The following MACROD2 variants were observed in gnomAD, a reference collection of about 807,000 sequenced individuals.
The protein encoded by MACROD2 is ADP-ribose glycohydrolase MACROD2.
In MACROD2, 36 loss-of-function variants were observed where a neutral mutation model predicts 70.4. That is an observed-to-expected ratio of 0.51 (90% confidence interval 0.39 to 0.68). The LOEUF (loss-of-function observed/expected upper bound fraction) is 0.68. Among genes scored for constraint, MACROD2 ranks in the 30% least tolerant of loss-of-function variants. The pLI is 0.00. For missense variants in MACROD2, 496 were observed against 538.4 expected (o/e 0.92, Z 0.78); for synonymous variants, 172 against 178.8 (o/e 0.96, Z 0.30).
At chr20:15,651,009 T>A (rs1466633066) in intron 8 of MACROD2, among the ~76,000 whole-genome samples, 5 of 152,258 alleles carry the variant, frequency 3.3e-5, no homozygotes, top group Admixed American at 1.3e-4. Flanking sequence ...TTTTTGAAAT[T>A]GAAGTGAATA....
At chr20:14,751,894 A>G (rs1267156463) in intron 5 of MACROD2, among the ~76,000 whole-genome samples, 1 of 152,134 alleles carries the variant, frequency 6.6e-6, no homozygotes, top group Non-Finnish European at 1.5e-5. Flanking sequence ...ATCATCTACC[A>G]TAATAATCTT....
intron 3 of MACROD2, among the ~76,000 whole-genome samples, chr20:14,095,659 G>T (rs894028734): frequency 2.0e-5 from 3 of 151,998 alleles, no homozygotes; most frequent in African/African-American, 4.8e-5. Context: ...TGACCTTTTG[G>T]CTCTTGGAAC....
rs187718068 is a variant in MACROD2, at chr20:14,974,886, G to A, written c.419-255054G>A. Reference sequence around the variant, plus strand: ...GAACTCTAGAACTGAGCCTGGGTTGGGTCTAGCAGAGCTGTTTGCACAAAG... The same window carrying A: ...GAACTCTAGAACTGAGCCTGGGTTGAGTCTAGCAGAGCTGTTTGCACAAAG... On this transcript the variant is annotated intron_variant, in intron 5 of 17. Transcript: ENST00000684519. 5.9e-5 allele frequency among the ~76,000 whole-genome samples: 9 copies of A among 152,170 alleles called. No homozygotes were observed. In the East Asian group the frequency reaches 1.7e-3, roughly 29 times the overall value.
At chr20:14,298,887 T>C (rs1952376063) in intron 3 of MACROD2, among the ~76,000 whole-genome samples, 1 of 152,182 alleles carries the variant, frequency 6.6e-6, no homozygotes, top group Admixed American at 6.5e-5. Context: ...ATTGCTGTAA[T>C]ATTATGATAA....
chr20:14,764,422 G>A (rs1004591558), intron 5 of MACROD2, among the ~76,000 whole-genome samples: 1 of 151,942 alleles, frequency 6.6e-6, no homozygotes, highest in African/African-American at 2.4e-5. Context: ...TATGGTCTTT[G>A]TACCATCTGA....
At chr20:15,968,979 T>C (rs2066188037) in intron 13 of MACROD2, among the ~76,000 whole-genome samples, 1 of 151,924 alleles carries the variant, frequency 6.6e-6, no homozygotes, top group African/African-American at 2.4e-5. Context: ...AAGCTCTTTT[T>C]ACCTTAGGGC....
chr20:14,428,571 T>C (rs1189550306), intron 3 of MACROD2, among the ~76,000 whole-genome samples: 1 of 152,128 alleles, frequency 6.6e-6, no homozygotes, highest in African/African-American at 2.4e-5. Context: ...ATGAATTTGG[T>C]TTAAATGTGA....
chr20:14,682,417 G>C (rs1279486309), intron 4 of MACROD2, among the ~76,000 whole-genome samples: 1 of 151,132 alleles, frequency 6.6e-6, no homozygotes, highest in African/African-American at 2.4e-5. Context: ...ATATATGTGT[G>C]TGTGCTGAAT....
intron 8 of MACROD2, among the ~76,000 whole-genome samples, chr20:15,568,960 C>A (rs996266334): frequency 6.6e-6 from 1 of 152,162 alleles, no homozygotes; most frequent in Non-Finnish European, 1.5e-5. Flanking sequence ...AGCTGCTGTT[C>A]CTCTTTCCCT....
chr20:15,576,520 C>A (rs1449211293), intron 8 of MACROD2, among the ~76,000 whole-genome samples: 2 of 151,150 alleles, frequency 1.3e-5, no homozygotes, highest in Non-Finnish European at 2.9e-5. Context: ...AGTGTTCCAC[C>A]AGACTGACTA....
At chr20:14,385,369 A>G (rs1252697882) in intron 3 of MACROD2, among the ~76,000 whole-genome samples, 2 of 152,170 alleles carry the variant, frequency 1.3e-5, no homozygotes, top group East Asian at 3.8e-4. Context: ...ATTAACTTCC[A>G]TTAACTCTGT....
intron 8 of MACROD2, among the ~76,000 whole-genome samples, chr20:15,680,800 T>C (rs2050149829): frequency 6.6e-6 from 1 of 152,196 alleles, no homozygotes; most frequent in African/African-American, 2.4e-5. Context: ...AGATGAGTGA[T>C]GATATCATAA....
At chr20:14,668,632 A>C (rs1483216520) in intron 4 of MACROD2, among the ~76,000 whole-genome samples, 1 of 152,214 alleles carries the variant, frequency 6.6e-6, no homozygotes, top group Non-Finnish European at 1.5e-5. Flanking sequence ...CAACCTATTA[A>C]TTTAGAAATA....
intron 5 of MACROD2, among the ~76,000 whole-genome samples, chr20:14,826,747 C>T (rs906899977): frequency 1.3e-5 from 2 of 152,082 alleles, no homozygotes; most frequent in African/African-American, 4.8e-5. Flanking sequence ...ACCCTCCAGT[C>T]GAAGTATTCA....
chr20:14,226,404 T>C (rs2081733915), intron 3 of MACROD2, among the ~76,000 whole-genome samples: 2 of 152,232 alleles, frequency 1.3e-5, no homozygotes, highest in South Asian at 2.1e-4. Context: ...GCTCCCACTT[T>C]GGCGGCACTT....
At chr20:14,033,005 T>C (rs2053263382) in intron 2 of MACROD2, among the ~76,000 whole-genome samples, 1 of 152,024 alleles carries the variant, frequency 6.6e-6, no homozygotes, top group Admixed American at 6.5e-5. Context: ...AAACTGTCTT[T>C]TTACTAAATT....
At chr20:14,854,006 G>A (rs1346902491) in intron 5 of MACROD2, among the ~76,000 whole-genome samples, 3 of 152,148 alleles carry the variant, frequency 2.0e-5, no homozygotes, top group African/African-American at 7.2e-5. Flanking sequence ...TGTTCATTTG[G>A]CTGGAATCCT....
intron 17 of MACROD2, among the ~76,000 whole-genome samples, chr20:16,049,026 G>A (rs1006195957): frequency 6.6e-6 from 1 of 152,204 alleles, no homozygotes; most frequent in African/African-American, 2.4e-5. Context: ...AATCTCAGAA[G>A]CATTACACTG....
At chr20:15,288,857 C>CTCTCTATA (rs1555801335) in intron 6 of MACROD2, among the ~76,000 whole-genome samples, 1 of 129,806 alleles carries the variant, frequency 7.7e-6, no homozygotes, top group East Asian at 2.2e-4. Flanking sequence ...CTCTATATGT[C>CTCTCTATA]TGTCTGTCTG....
Sources: gnomAD v4.1 joint callset for allele counts (sites outside exome capture counted in the v4.1 genomes callset) on GRCh38, gnomAD v4.1.1 for gene constraint, MANE v1.5 for transcripts, NCBI Gene and HGNC (gene_info 2026-07-23, HGNC 2026-07-21) for gene names.